MARCHF5: variants seen among roughly 807,000 people sequenced by gnomAD.
MARCHF5 encodes the protein membrane associated ring-CH-type finger 5.
A neutral mutation model predicts 36.5 loss-of-function variants in MARCHF5; 5 were observed. The ratio of observed to expected loss-of-function variants is 0.14; its 90% CI spans 0.07 to 0.29. The LOEUF is 0.29. Ranked by LOEUF, MARCHF5 falls within the 10% of genes least tolerant of loss-of-function variation. The pLI is 1.00. For synonymous variants in MARCHF5, 103 were observed against 109.9 expected, an observed-to-expected ratio of 0.94 and a Z score of 0.39; for missense variants, 179 against 336.3, an observed-to-expected ratio of 0.53 and a Z score of 3.66.
At chr10:92,299,051 C>G (rs1842981292) in intron 1 of MARCHF5, among the ~76,000 whole-genome samples, 1 of 151,948 alleles carries the variant, frequency 6.6e-6, no homozygotes, top group South Asian at 2.1e-4. Context: ...TCTCAAACTC[C>G]TGTTCTCCAC....
rs1352398121 is a variant in MARCHF5, at chr10:92,319,975, C to CT, written c.238+8652dup. ...CCAAAAAAAAAAAAAAATTTCTTTT[C>CT]TTTTTTTTTTTTTTGAGACAGAGTC... On this transcript the variant is annotated intron_variant, in intron 2 of 5. Transcript: ENST00000358935. Among the ~76,000 whole-genome samples, 1,016 of 110,146 alleles carry CT rather than the reference C, an allele frequency of 9.2e-3. 8 individuals are homozygous for CT. The highest frequency in any genetic ancestry group is 0.013 in the Non-Finnish European group (668 of 51,446). The allele number at this position is 110,146 out of a possible 152,430, so 72.3% of individuals were successfully genotyped here. A position where few individuals can be genotyped will look rare whatever the true frequency, so the allele number is the denominator to read the frequency against.
intron 3 of MARCHF5, among the ~76,000 whole-genome samples, chr10:92,341,385 AGAGC>A (rs1159510731): frequency 6.6e-6 from 1 of 152,188 alleles, no homozygotes; most frequent in African/African-American, 2.4e-5. Flanking sequence ...CACAGGCGAC[AGAGC>A]GAGACTCCAT....
chr10:92,349,987 G>A, intron 5 of MARCHF5, 150 bp downstream of exon 5: 1 of 631,664 alleles, frequency 1.6e-6, no homozygotes. Flanking sequence ...AATAGCTTGA[G>A]TGGAAATAAA....
rs965398304 is a variant in MARCHF5, at chr10:92,322,251, A to C, written c.238+10914A>C. Among the ~76,000 whole-genome samples the C allele has an allele frequency of 2.0e-4, 30 of 146,342 alleles. No homozygotes were observed. The East Asian group carries it at 2.4e-3, about 11-fold the overall frequency. Reference sequence around the variant, plus strand: ...AAGAGCGAAACTCCGTCTCAAAAAAAAAAAAAAAAAAAAAAAAAAAAGATT... The same window carrying C: ...AAGAGCGAAACTCCGTCTCAAAAAACAAAAAAAAAAAAAAAAAAAAAGATT... On this transcript the variant is annotated intron_variant, in intron 2 of 5. Transcript: ENST00000358935.
intron 2 of MARCHF5, among the ~76,000 whole-genome samples, chr10:92,322,238 C>A (rs1232396592): frequency 8.9e-6 from 1 of 112,836 alleles, no homozygotes; most frequent in Non-Finnish European, 1.7e-5. Context: ...GAGCGAAACT[C>A]CGTCTCAAAA....
intron 1 of MARCHF5, among the ~76,000 whole-genome samples, chr10:92,301,724 C>T (rs567452457): frequency 2.0e-5 from 3 of 152,356 alleles, no homozygotes; most frequent in East Asian, 1.9e-4. Context: ...AACCTATGCA[C>T]ATCCTCCTGT....
intron 1 of MARCHF5, chr10:92,308,452 A>G (rs763959785): frequency 2.0e-5 from 3 of 152,038 alleles, no homozygotes; most frequent in Non-Finnish European, 4.4e-5. Flanking sequence ...CTCATATATC[A>G]TCTTGTGACT....
chr10:92,303,494 A>T (rs1050478950), intron 1 of MARCHF5, among the ~76,000 whole-genome samples: 1 of 152,078 alleles, frequency 6.6e-6, no homozygotes. Context: ...GTTTCTAACA[A>T]CTTTTCTTGG....
At position 92,349,518 on chromosome 10, in the gene MARCHF5, A is replaced by T; in HGVS notation, c.539A>T (p.Asn180Ile). Residue 180 changes from asparagine to isoleucine, a missense_variant, in exon 4 of 6, where the codon AAT becomes ATT. Coordinates refer to ENST00000358935, the MANE Select transcript of MARCHF5 (RefSeq NM_017824.5). ...RKYSNKLQIL[N>I]SIFPGIGCPV... is the part of the protein sequence containing the mutation. ...TACTCGAATAAACTACAAATTTTAA[A>T]TAGTATATTTCCAGGTAAGGCACTG... is the stretch of plus-strand genomic sequence containing the variant. 1 of 1,613,588 alleles carries T rather than the reference A, an allele frequency of 6.2e-7. No individual in the cohort carries two copies. Among genetic ancestry groups the T allele is most frequent in the Non-Finnish European group, 8.5e-7 (1 of 1,179,828 alleles).
In MARCHF5 at chr10:92,326,063, T is replaced by C. The variant is rs1843354850; in HGVS notation, c.239-14610T>C. Among the ~76,000 whole-genome samples, 4 of 152,152 alleles carry C rather than the reference T, an allele frequency of 2.6e-5. No homozygotes were observed. In the South Asian group the frequency reaches 8.3e-4, roughly 32 times the overall value. On this transcript the variant is annotated intron_variant, in intron 2 of 5. Transcript: ENST00000358935. ...TTTACCAGTAACCATCCTCAAAAAG[T>C]GGTTGTCAAATGTTAAGTGGAGTGT...
chr10:92,343,038 C>T (rs950980870), intron 3 of MARCHF5, among the ~76,000 whole-genome samples: 13 of 152,168 alleles, frequency 8.5e-5, no homozygotes, highest in Non-Finnish European at 8.8e-5. Flanking sequence ...ACATATCTGA[C>T]ATGAGTGTAG....
chr10:92,292,782 G>A (rs1842899497), intron 1 of MARCHF5, among the ~76,000 whole-genome samples: 2 of 152,194 alleles, frequency 1.3e-5, no homozygotes, highest in African/African-American at 4.8e-5. Context: ...CTTGGAAGCA[G>A]AAACTTACTA....
intron 2 of MARCHF5, among the ~76,000 whole-genome samples, chr10:92,320,704 G>A (rs1240649098): frequency 6.6e-6 from 1 of 151,406 alleles, no homozygotes; most frequent in Non-Finnish European, 1.5e-5. Flanking sequence ...TGTACAATAT[G>A]TGTTTTAAGC....
intron 3 of MARCHF5, 77 bp downstream of exon 3, chr10:92,340,880 G>A: frequency 1.6e-6 from 2 of 1,224,784 alleles, no homozygotes. Context: ...ACATTTAAAA[G>A]TGTATTATTT....
rs1843720723 is a variant in MARCHF5, at chr10:92,351,949, T to TGTGTGTGTGTG, written c.*742_*743insGTGTGTGTGTG. On this transcript the variant is annotated 3_prime_UTR_variant, in exon 6 of 6. Transcript: ENST00000358935. ...GTGTGTGTGTGTGTGTATTTGTGTG[T>TGTGTGTGTGTG]TTCAGTGTTTCATCAGGTCCTTCCA... 1 of 152,406 alleles carries TGTGTGTGTGTG rather than the reference T, an allele frequency of 6.6e-6. No homozygotes were observed. Among genetic ancestry groups the TGTGTGTGTGTG allele is most frequent in the Non-Finnish European group, 1.5e-5 (1 of 68,034 alleles). The allele number at this position is 152,406 out of a possible 1,614,324, so 9.4% of individuals were successfully genotyped here.
At chr10:92,347,175 CTT>C (rs59331611) in intron 3 of MARCHF5, among the ~76,000 whole-genome samples, 1 of 151,902 alleles carries the variant, frequency 6.6e-6, no homozygotes, top group South Asian at 2.1e-4. Context: ...AAGACCCTGT[CTT>C]TTTTTTTCTT....
intron 2 of MARCHF5, among the ~76,000 whole-genome samples, chr10:92,320,976 C>A (rs1843283029): frequency 6.6e-6 from 1 of 152,016 alleles, no homozygotes; most frequent in Non-Finnish European, 1.5e-5. Context: ...GGTATACCAT[C>A]TTTTATCTTT....
intron 2 of MARCHF5, among the ~76,000 whole-genome samples, chr10:92,312,594 A>G (rs942062719): frequency 6.6e-6 from 1 of 152,234 alleles, no homozygotes; most frequent in African/African-American, 2.4e-5. Flanking sequence ...AAGACTCACT[A>G]AAGTCCAAGT....
At chr10:92,346,433 C>A (rs1371175516) in intron 3 of MARCHF5, among the ~76,000 whole-genome samples, 1 of 151,548 alleles carries the variant, frequency 6.6e-6, no homozygotes, top group Non-Finnish European at 1.5e-5. Context: ...CATCTCTCTT[C>A]ACTTTAGTTG....
Sources: allele counts gnomAD v4.1 joint callset (sites outside exome capture counted in the v4.1 genomes callset), GRCh38; gene constraint gnomAD v4.1.1; transcripts MANE v1.5; gene names NCBI Gene and HGNC (gene_info 2026-07-23, HGNC 2026-07-21).